The following TOP3A variants were observed in gnomAD, a reference collection of about 807,000 sequenced individuals.
TOP3A encodes DNA topoisomerase III alpha.
Under a neutral mutation model 111.3 loss-of-function variants are expected in TOP3A, and 64 were observed. The observed-to-expected ratio is 0.57, with a 90% CI of 0.47 to 0.71. The LOEUF is 0.71. TOP3A is among the 30% of genes least tolerant of loss of function. The pLI, the probability that TOP3A is intolerant of heterozygous loss-of-function variation, is 0.00. For synonymous variants in TOP3A, 484 were observed against 485.1 expected (o/e 1.00, Z 0.03); for missense variants, 1,104 against 1,285.0 (o/e 0.86, Z 2.15).
intron 9 of TOP3A, among the ~76,000 whole-genome samples, chr17:18,298,180 C>T (rs553977007): frequency 1.3e-5 from 2 of 150,386 alleles, no homozygotes; most frequent in East Asian, 2.0e-4. Flanking sequence ...GGAGCCCCTC[C>T]GCCCGGCAAC....
chr17:18,308,996 T>A, intron 1 of TOP3A, 55 bp from the exon 2 acceptor site: 7 of 981,110 alleles, frequency 7.1e-6, no homozygotes, highest in Non-Finnish European at 1.0e-5. Flanking sequence ...AATGGATTCC[T>A]TTGTATAATT....
At chr17:18,299,529 A>G (rs1981089531) in intron 9 of TOP3A, 30 bp downstream of exon 9, 1 of 1,605,670 alleles carries the variant, frequency 6.2e-7, no homozygotes, top group Non-Finnish European at 8.5e-7. Context: ...GTGTTCCCCG[A>G]GTGCCTGAAA....
In TOP3A at chr17:18,305,213, A is replaced by G; in HGVS notation, c.398T>C (p.Leu133Ser). 6.2e-7 allele frequency: 1 copy of G among 1,614,052 alleles called. No individual in the cohort carries two copies. Among genetic ancestry groups the G allele is most frequent in the Non-Finnish European group, 8.5e-7 (1 of 1,179,960 alleles). Residue 133 changes from leucine (L) to serine (S), a missense_variant, in exon 5 of 19, where the codon TTG becomes TCG. Leu to Ser is a moderately radical substitution (Grantham distance 145). Coordinates refer to ENST00000321105, the MANE Select transcript of TOP3A (RefSeq NM_004618.5). The part of the protein sequence containing the change: ...PENFVDIKKT[L>S]ERETRQCQAL... ...CTGGCACTGGCGAGTCTCTCGTTCC[A>G]AAGTTTTCTTAAGTTCGCAGTGGAA... is the stretch of plus-strand genomic sequence containing the variant.
intron 13 of TOP3A, among the ~76,000 whole-genome samples, chr17:18,286,493 G>A (rs1214535081): frequency 6.6e-6 from 1 of 152,148 alleles, no homozygotes; most frequent in African/African-American, 2.4e-5. Context: ...TCCAGCCTGG[G>A]CAACAGAGCG....
chr17:18,309,631 GA>G, intron 1 of TOP3A, among the ~76,000 whole-genome samples: 1 of 151,574 alleles, frequency 6.6e-6, no homozygotes, highest in East Asian at 1.9e-4. Flanking sequence ...GTGACAGAGC[GA>G]GACTGTCTCA....
intron 13 of TOP3A, among the ~76,000 whole-genome samples, chr17:18,288,535 G>C (rs1980268918): frequency 6.6e-6 from 1 of 152,126 alleles, no homozygotes; most frequent in African/African-American, 2.4e-5. Context: ...ACTCCCTGCT[G>C]ACCATGTACC....
In TOP3A at chr17:18,278,215, A is replaced by G. The variant is rs369780261; in HGVS notation, c.2287T>C (p.Ser763Pro). Residue 763 changes from serine to proline, a missense_variant, in exon 18 of 19, where the codon TCT becomes CCT. Ser to Pro is a moderately conservative substitution (Grantham distance 74). Transcript: ENST00000321105. ...SGGPPRASQP[S>P]GRLQANQSLN... ...GACTGGTTAGCCTGCAGGCGGCCAG[A>G]GGGCTGGCTAGCCCTGGGGGGGCCC... 1 of 1,601,280 alleles carries G rather than the reference A, an allele frequency of 6.2e-7. No homozygotes were observed. The highest frequency in any genetic ancestry group is 8.5e-7 in the Non-Finnish European group (1 of 1,170,774).
chr17:18,298,006 C>A (rs575940454), intron 9 of TOP3A, among the ~76,000 whole-genome samples: 2,722 of 151,356 alleles, frequency 0.018, 36 homozygotes, highest in Non-Finnish European at 0.028. Flanking sequence ...GCCATCCCAT[C>A]TGGGAAGTGA....
chr17:18,280,686 T>TAG, intron 16 of TOP3A, 28 bp from the exon 17 acceptor site: 2 of 1,612,816 alleles, frequency 1.2e-6, no homozygotes, highest in Non-Finnish European at 1.7e-6. Context: ...TGTCAGATGA[T>TAG]AGGAGTGCAG....
Position 18,314,883 on chromosome 17 carries a change from TTC to T in TOP3A, c.-107_-106del. 1 of 618,530 alleles carries T rather than the reference TTC, an allele frequency of 1.6e-6. No homozygotes were observed. The highest frequency in any genetic ancestry group is 2.5e-6 in the Non-Finnish European group (1 of 402,570). The allele number at this position is 618,530 out of a possible 1,614,324, so 38.3% of individuals were successfully genotyped here. A position where few individuals can be genotyped will look rare whatever the true frequency, so the allele number is the denominator to read the frequency against. On this transcript the variant is annotated 5_prime_UTR_variant, in exon 1 of 19. Transcript: ENST00000321105. ...CACCGAAAGGGAACCAGAGCCTCGCTTCGGTCACGTCCCCACCAGCCTGCTGG... is the reference window on the plus strand; with the variant it reads ...CACCGAAAGGGAACCAGAGCCTCGCTGGTCACGTCCCCACCAGCCTGCTGG...
In TOP3A at chr17:18,277,735, C is replaced by T; in HGVS notation, c.2767G>A (p.Ala923Thr). Residue 923 changes from alanine (A) to threonine (T), a missense_variant, in exon 18 of 19, where the codon GCC becomes ACC. Transcript: ENST00000321105. ...CCACACTGCTGCTCTCTCGGCTTGG[C>T]ACATGTGTGGAACTGGCGCCCCTTG... The part of the protein sequence containing the change: ...PNKGRQFHTC[A>T]KPREQQCGFF... 1 of 1,614,122 alleles carries T rather than the reference C, an allele frequency of 6.2e-7. No individual in the cohort carries two copies. The highest frequency in any genetic ancestry group is 8.5e-7 in the Non-Finnish European group (1 of 1,179,970).
intron 9 of TOP3A, among the ~76,000 whole-genome samples, chr17:18,298,251 A>G (rs1464923787): frequency 6.6e-5 from 8 of 120,896 alleles, no homozygotes; most frequent in East Asian, 2.6e-4. Context: ...GAGAAGTGAG[A>G]AGCCCCTCCG....
chr17:18,310,197 TG>T (rs1981826896), intron 1 of TOP3A, among the ~76,000 whole-genome samples: 1 of 151,544 alleles, frequency 6.6e-6, no homozygotes, highest in Admixed American at 6.6e-5. Context: ...GAGGCTGAGG[TG>T]GGCGGATCAT....
At chr17:18,286,734 A>G (rs1980130415) in intron 13 of TOP3A, among the ~76,000 whole-genome samples, 1 of 152,214 alleles carries the variant, frequency 6.6e-6, no homozygotes, top group African/African-American at 2.4e-5. Context: ...TAAACCAGCA[A>G]TCCCACTCCT....
rs1367694635 is a variant in TOP3A, at chr17:18,302,671, A to G, written c.552T>C (p.His184=). The change falls in exon 6 of 19, where the codon CAT becomes CAC. Residue 184 remains histidine, a synonymous_variant. Coordinates refer to ENST00000321105, the MANE Select transcript of TOP3A (RefSeq NM_004618.5). ...GGTTTTCACAAGCTGTCCTGACGGC[A>G]TGGGGTGTGATCTCAGAGAATCGGG... is the stretch of plus-strand genomic sequence containing the variant. The part of the protein sequence containing the change: ...LRARFSEITP[H]AVRTACENLT... 3.1e-6 allele frequency: 5 copies of G among 1,614,036 alleles called. No individual in the cohort carries two copies. The African/African-American group carries it at 5.3e-5, about 17-fold the overall frequency.
intron 8 of TOP3A, 69 bp from the exon 9 acceptor site, chr17:18,299,702 GC>G: frequency 7.0e-7 from 1 of 1,425,792 alleles, no homozygotes; most frequent in Non-Finnish European, 9.9e-7. Flanking sequence ...CCTATGGATA[GC>G]CCATGCCAAT....
At chr17:18,279,401 C>T (rs1320777166) in intron 17 of TOP3A, among the ~76,000 whole-genome samples, 3 of 151,864 alleles carry the variant, frequency 2.0e-5, no homozygotes, top group South Asian at 2.1e-4. Flanking sequence ...GGACTACAGG[C>T]GCCCACCAGT....
intron 9 of TOP3A, among the ~76,000 whole-genome samples, chr17:18,295,462 TA>T (rs1184214803): frequency 1.3e-5 from 2 of 151,056 alleles, no homozygotes; most frequent in Non-Finnish European, 3.0e-5. Context: ...CTCTGCATTT[TA>T]AAAATTTTTT....
intron 17 of TOP3A, among the ~76,000 whole-genome samples, chr17:18,279,413 C>A (rs969895612): frequency 6.6e-6 from 1 of 151,666 alleles, no homozygotes; most frequent in African/African-American, 2.4e-5. Context: ...CCCACCAGTA[C>A]GCCTGGCTGA....
Sources: allele counts gnomAD v4.1 joint callset (sites outside exome capture counted in the v4.1 genomes callset), GRCh38; gene constraint gnomAD v4.1.1; transcripts MANE v1.5; gene names NCBI Gene and HGNC (gene_info 2026-07-23, HGNC 2026-07-21).